The following TMEM44 variants were observed in gnomAD, a reference collection of about 807,000 sequenced individuals.
TMEM44 encodes transmembrane protein 44.
TMEM44 carries 43 observed loss-of-function variants against 47.8 expected under a neutral mutation model. The observed-to-expected ratio is 0.90, with a 90% confidence interval of 0.70 to 1.16. The LOEUF (loss-of-function observed/expected upper bound fraction) is 1.16, where lower values mean the gene tolerates loss of function less well. Among genes scored for constraint, TMEM44 ranks in the 50% most tolerant of loss-of-function variants. The probability of loss-of-function intolerance (pLI) is 0.00; values close to 1 mark genes in which losing one functional copy is unlikely to be tolerated. For synonymous variants in TMEM44, 277 were observed against 238.8 expected (o/e 1.16, Z -1.48); for missense variants, 568 against 555.2 (o/e 1.02, Z -0.23).
chr3:194,590,109 G>A (rs553386967), intron 9 of TMEM44: 1 of 152,150 alleles, frequency 6.6e-6, no homozygotes, highest in African/African-American at 2.4e-5. Context: ...AAGCTGAATC[G>A]AACATTCCAA....
chr3:194,625,254 C>T (rs947364473), intron 3 of TMEM44, among the ~76,000 whole-genome samples: 1 of 152,206 alleles, frequency 6.6e-6, no homozygotes, highest in Non-Finnish European at 1.5e-5. Flanking sequence ...CCCTGCTCCA[C>T]ACCTCCTCCT....
At chr3:194,629,058 G>A (rs553251141) in intron 1 of TMEM44, among the ~76,000 whole-genome samples, 11 of 152,090 alleles carry the variant, frequency 7.2e-5, no homozygotes, top group Admixed American at 1.3e-4. Context: ...CAGCTACTCC[G>A]GAGGCTGAGG....
At chr3:194,615,031 G>GA (rs1715726370) in intron 7 of TMEM44, among the ~76,000 whole-genome samples, 1 of 152,108 alleles carries the variant, frequency 6.6e-6, no homozygotes, top group South Asian at 2.1e-4. Flanking sequence ...GAGGTCAGGA[G>GA]TTCGAGACCA....
chr3:194,612,685 G>C (rs1485849607), intron 7 of TMEM44, among the ~76,000 whole-genome samples: 1 of 151,352 alleles, frequency 6.6e-6, no homozygotes, highest in Non-Finnish European at 1.5e-5. Flanking sequence ...TTTTTTTTGA[G>C]ACGGAGTCTC....
At chr3:194,601,387 C>T (rs1311710125) in intron 9 of TMEM44, among the ~76,000 whole-genome samples, 1 of 151,322 alleles carries the variant, frequency 6.6e-6, no homozygotes, top group African/African-American at 2.4e-5. Context: ...TTACCGAAAC[C>T]TCCGCCTCCT....
intron 9 of TMEM44, chr3:194,590,186 C>A (rs562389344): frequency 1.4e-4 from 21 of 152,326 alleles, no homozygotes; most frequent in African/African-American, 5.1e-4. Context: ...CATGCCATCC[C>A]AGTGATAAAA....
chr3:194,616,061 T>A (rs373218602), intron 6 of TMEM44, among the ~76,000 whole-genome samples: 101 of 151,286 alleles, frequency 6.7e-4, no homozygotes, highest in African/African-American at 2.4e-3. Context: ...TGACCCCCTT[T>A]TTTTTTTTGA....
intron 9 of TMEM44, among the ~76,000 whole-genome samples, chr3:194,599,586 C>CTTTTCTTT (rs770911632): frequency 6.2e-5 from 8 of 129,032 alleles, no homozygotes; most frequent in East Asian, 2.3e-4. Context: ...TTTTTCTTTT[C>CTTTTCTTT]TTTTTTTTTT....
At chr3:194,609,363 T>A (rs1715080366) in intron 8 of TMEM44, among the ~76,000 whole-genome samples, 2 of 151,924 alleles carry the variant, frequency 1.3e-5, no homozygotes, top group African/African-American at 4.8e-5. Context: ...GGCGTTGGAC[T>A]CCCTCTCTAC....
chr3:194,616,068 T>C (rs1382792285), intron 6 of TMEM44, among the ~76,000 whole-genome samples: 1 of 152,082 alleles, frequency 6.6e-6, no homozygotes, highest in Non-Finnish European at 1.5e-5. Context: ...CTTTTTTTTT[T>C]TGAGACAGAG....
chr3:194,626,416 T>C (rs1343606103), intron 2 of TMEM44, among the ~76,000 whole-genome samples: 3 of 152,220 alleles, frequency 2.0e-5, no homozygotes, highest in African/African-American at 7.2e-5. Context: ...ACATGGGCAG[T>C]GTTTACACCA....
chr3:194,604,951 A>G (rs558477922), intron 8 of TMEM44, among the ~76,000 whole-genome samples: 1 of 152,334 alleles, frequency 6.6e-6, no homozygotes, highest in African/African-American at 2.4e-5. Context: ...CCAGAGGCGG[A>G]ATTGCTGGAT....
In TMEM44 at chr3:194,588,639, A is replaced by G. The variant is rs1308663022; in HGVS notation, c.1177T>C (p.Trp393Arg). ...TCGAGGTTCACATCTTCAGGGTCCC[A>G]CTATGGAGAAAAGATGCAAAGGGTA... Reference protein sequence around the residue: ...EVSSINSDLEWDPEDVNLEGS... With the variant: ...EVSSINSDLERDPEDVNLEGS... Residue 393 changes from tryptophan to arginine, a missense_variant and splice_region_variant, in exon 10 of 10, where the codon TGG (tryptophan) becomes CGG (arginine). Physicochemically the swap from Trp to Arg is moderately radical, Grantham distance 101. Transcript: ENST00000347147. The G allele has an allele frequency of 3.1e-6, 5 of 1,614,134 alleles. No homozygotes were observed. In the Admixed American group the frequency reaches 5.0e-5, roughly 16 times the overall value.
intron 8 of TMEM44, among the ~76,000 whole-genome samples, chr3:194,606,609 A>G (rs1714801581): frequency 6.6e-6 from 1 of 152,132 alleles, no homozygotes; most frequent in Non-Finnish European, 1.5e-5. Context: ...CTGTGCCTCA[A>G]TTTAAAATAA....
intron 5 of TMEM44, among the ~76,000 whole-genome samples, chr3:194,621,322 C>T (rs1471509016): frequency 6.6e-6 from 1 of 152,214 alleles, no homozygotes. Flanking sequence ...CGGCACCTTG[C>T]TCTCAGACTT....
intron 9 of TMEM44, among the ~76,000 whole-genome samples, chr3:194,598,080 G>C (rs373589370): frequency 6.6e-6 from 1 of 152,224 alleles, no homozygotes; most frequent in East Asian, 1.9e-4. Flanking sequence ...TCTCCGTGGA[G>C]TATGCCGTCT....
chr3:194,628,657 G>T, intron 1 of TMEM44, 148 bp from the exon 2 acceptor site: 1 of 969,926 alleles, frequency 1.0e-6, no homozygotes, highest in Non-Finnish European at 1.4e-6. Flanking sequence ...TGAGTTTACA[G>T]ATGGGAACCA....
At chr3:194,628,346 C>A in intron 2 of TMEM44, 37 bp downstream of exon 2, 2 of 1,595,090 alleles carry the variant, frequency 1.3e-6, no homozygotes, top group East Asian at 2.3e-5. Flanking sequence ...TCCCTTAGTG[C>A]TGGCCTAAGC....
intron 9 of TMEM44, among the ~76,000 whole-genome samples, chr3:194,594,226 C>T (rs142161916): frequency 0.011 from 1,626 of 151,530 alleles, 36 homozygotes; most frequent in African/African-American, 0.037. Context: ...TGTAATGGTA[C>T]GATCTCGGCT....
Sources: gnomAD v4.1 joint callset for allele counts (sites outside exome capture counted in the v4.1 genomes callset) on GRCh38, gnomAD v4.1.1 for gene constraint, MANE v1.5 for transcripts, NCBI Gene and HGNC (gene_info 2026-07-23, HGNC 2026-07-21) for gene names.